The following PDE1C variants were observed in gnomAD, a reference collection of about 807,000 sequenced individuals.
PDE1C encodes dual specificity calcium/calmodulin-dependent 3',5'-cyclic nucleotide phosphodiesterase 1C.
In PDE1C, 62 loss-of-function variants were observed where a neutral mutation model predicts 93.1. The ratio of observed to expected loss-of-function variants is 0.67; its 90% confidence interval spans 0.54 to 0.82. The LOEUF is 0.82. Among genes scored for constraint, PDE1C ranks in the 40% least tolerant of loss-of-function variants. The probability of loss-of-function intolerance (pLI) is 0.00; values close to 1 mark genes in which losing one functional copy is unlikely to be tolerated. For synonymous variants in PDE1C, 325 were observed against 310.1 expected (o/e 1.05, Z -0.50); for missense variants, 742 against 884.6 (o/e 0.84, Z 2.04).
intron 1 of PDE1C, among the ~76,000 whole-genome samples, chr7:32,273,397 A>C (rs1811087651): frequency 6.6e-6 from 1 of 152,238 alleles, no homozygotes; most frequent in African/African-American, 2.4e-5. Context: ...TAAACCAAGA[A>C]CTTCCTGTAA....
chr7:31,968,257 T>A lies in PDE1C; in HGVS notation c.128+83297A>T, dbSNP rs1275535754. On this transcript the variant is annotated intron_variant, in intron 2 of 17. Coordinates refer to ENST00000396191, the MANE Select transcript of PDE1C (RefSeq NM_001191057.4). Reference sequence around the variant, plus strand: ...CCTTAAGCTAATAAGCAACTTCAGCTAAGTCTCAGGATACAAAATCAATGT... The same window carrying A: ...CCTTAAGCTAATAAGCAACTTCAGCAAAGTCTCAGGATACAAAATCAATGT... 2.4e-4 allele frequency among the ~76,000 whole-genome samples: 36 copies of A among 152,278 alleles called. No individual in the cohort carries two copies. In the East Asian group the frequency reaches 2.5e-3, roughly 11 times the overall value.
chr7:31,823,484 T>C (rs1441560373), intron 13 of PDE1C, among the ~76,000 whole-genome samples: 3 of 152,112 alleles, frequency 2.0e-5, no homozygotes, highest in Non-Finnish European at 4.4e-5. Context: ...TTCATATTTC[T>C]TCTTTGCTAT....
intron 2 of PDE1C, among the ~76,000 whole-genome samples, chr7:31,998,376 A>C (rs2128553230): frequency 6.6e-6 from 1 of 152,308 alleles, no homozygotes; most frequent in East Asian, 1.9e-4. Context: ...TGCATGCATT[A>C]TTGGATGCAT....
intron 1 of PDE1C, among the ~76,000 whole-genome samples, chr7:32,330,002 A>G (rs1466413222): frequency 6.6e-6 from 1 of 152,244 alleles, no homozygotes; most frequent in Non-Finnish European, 1.5e-5. Context: ...GCAACTCAGC[A>G]GACGTTGCCC....
At chr7:31,777,263 C>A (rs924614351) in intron 16 of PDE1C, among the ~76,000 whole-genome samples, 1 of 152,044 alleles carries the variant, frequency 6.6e-6, no homozygotes, top group African/African-American at 2.4e-5. Flanking sequence ...GCTTTCCCTA[C>A]CCCAGAATCC....
At chr7:32,288,270 G>A (rs4720059) in intron 1 of PDE1C, among the ~76,000 whole-genome samples, 4,531 of 152,300 alleles carry the variant, frequency 0.03, 101 homozygotes, top group Admixed American at 0.064. Flanking sequence ...ATCTTTTTCA[G>A]GGGAATTGGT....
At chr7:32,427,811 A>G (rs1246058384) in intron 1 of PDE1C, 1 of 152,262 alleles carries the variant, frequency 6.6e-6, no homozygotes, top group Non-Finnish European at 1.5e-5. Context: ...AAGCAAGGTA[A>G]GGAAACTCAC....
chr7:31,746,979 GTCT>G (rs1411745912), downstream of PDE1C, among the ~76,000 whole-genome samples: 2 of 152,164 alleles, frequency 1.3e-5, no homozygotes, highest in South Asian at 2.1e-4. Flanking sequence ...AGGTAGGTAG[GTCT>G]TCTTCTAGAA....
chr7:31,710,831 C>G, the PDE1C span, among the ~76,000 whole-genome samples: 5 of 152,176 alleles, frequency 3.3e-5, no homozygotes, highest in African/African-American at 1.2e-4. Context: ...TTTGAACTTG[C>G]TATAATATAT....
At chr7:31,894,851 G>C (rs1374357544) in intron 2 of PDE1C, among the ~76,000 whole-genome samples, 5 of 152,300 alleles carry the variant, frequency 3.3e-5, no homozygotes, top group African/African-American at 4.8e-5. Flanking sequence ...GCAGTGGAAA[G>C]AGGAATCTCA....
the PDE1C span, chr7:31,643,742 G>A: frequency 1.2e-6 from 2 of 1,613,990 alleles, no homozygotes; most frequent in Non-Finnish European, 1.7e-6. Flanking sequence ...GGCTTCTCTA[G>A]TATCTGCCCA....
chr7:32,195,731 T>C (rs1562567807), intron 2 of PDE1C, among the ~76,000 whole-genome samples: 1 of 152,096 alleles, frequency 6.6e-6, no homozygotes, highest in Non-Finnish European at 1.5e-5. Context: ...AATTTTGGCA[T>C]GGGTTTCTTC....
intron 1 of PDE1C, among the ~76,000 whole-genome samples, chr7:32,318,135 A>G (rs1783212424): frequency 6.6e-6 from 1 of 152,138 alleles, no homozygotes; most frequent in Non-Finnish European, 1.5e-5. Context: ...CTTCCTTTAA[A>G]AGCTTTAATG....
chr7:31,689,206 A>G, the PDE1C span, among the ~76,000 whole-genome samples: 1 of 152,236 alleles, frequency 6.6e-6, no homozygotes, highest in Admixed American at 6.5e-5. Flanking sequence ...GTTAGAATTC[A>G]GAGCCCACAC....
the PDE1C span, among the ~76,000 whole-genome samples, chr7:31,664,578 C>G: frequency 6.6e-6 from 1 of 152,124 alleles, no homozygotes; most frequent in Non-Finnish European, 1.5e-5. Flanking sequence ...TTTATGATGA[C>G]GACAATTAAG....
upstream of PDE1C, among the ~76,000 whole-genome samples, chr7:32,073,374 AAC>A (rs1161441132): frequency 6.6e-6 from 1 of 152,230 alleles, no homozygotes; most frequent in Non-Finnish European, 1.5e-5. Flanking sequence ...CCCAAAAGAC[AAC>A]ACAGTTTGGA....
chr7:32,015,622 G>T (rs1001439007), intron 2 of PDE1C, among the ~76,000 whole-genome samples: 42 of 151,026 alleles, frequency 2.8e-4, no homozygotes, highest in African/African-American at 1.0e-3. Context: ...ATGCCATAAA[G>T]AAAAAGATGT....
At chr7:31,855,738 AT>A (rs1297042976) in intron 7 of PDE1C, among the ~76,000 whole-genome samples, 6 of 147,844 alleles carry the variant, frequency 4.1e-5, no homozygotes, top group African/African-American at 1.2e-4. Context: ...AAAATAAAAA[AT>A]AAATAATAAA....
intron 2 of PDE1C, among the ~76,000 whole-genome samples, chr7:31,951,856 G>A (rs1306738235): frequency 3.3e-5 from 5 of 151,984 alleles, no homozygotes; most frequent in Non-Finnish European, 7.4e-5. Context: ...AGGTTGGTGT[G>A]GATTTCAACT....
Sources: allele counts gnomAD v4.1 joint callset (sites outside exome capture counted in the v4.1 genomes callset), GRCh38; gene constraint gnomAD v4.1.1; transcripts MANE v1.5; gene names NCBI Gene and HGNC (gene_info 2026-07-23, HGNC 2026-07-21).